LHFPL5: variants seen among roughly 807,000 people sequenced by gnomAD.
LHFPL5 encodes LHFPL tetraspan subfamily member 5 protein.
LHFPL5 carries 12 observed loss-of-function variants against 18.7 expected under a neutral mutation model. That is an observed-to-expected ratio of 0.64 (90% CI 0.41 to 1.04). LHFPL5 has a LOEUF of 1.04. Ranked by LOEUF, LHFPL5 falls within the 50% of genes least tolerant of loss-of-function variation. The probability of loss-of-function intolerance (pLI) is 0.00; values close to 1 mark genes in which losing one functional copy is unlikely to be tolerated. For missense variants in LHFPL5, 259 were observed against 292.1 expected (o/e 0.89, Z 0.83); for synonymous variants, 111 against 120.2 (o/e 0.92, Z 0.50).
rs1561951168 is a variant in LHFPL5, at chr6:35,806,824, GTTGT to G, written c.412+753_412+756del. ...TATTTAGGGTCCTTTTGTTGTTGTTGTTGTTTGTTTGTTTTTTGAGACAGAGTCT... is the reference window on the plus strand; with the variant it reads ...TATTTAGGGTCCTTTTGTTGTTGTTGTTGTTTGTTTTTTGAGACAGAGTCT... On this transcript the variant is annotated intron_variant, in intron 1 of 3. Transcript: ENST00000360215. Among the ~76,000 whole-genome samples the G allele has an allele frequency of 2.6e-5, 4 of 152,128 alleles. No individual in the cohort carries two copies. In the East Asian group the frequency reaches 5.8e-4, roughly 22 times the overall value.
At chr6:35,817,083 G>A (rs550008959) in intron 2 of LHFPL5, among the ~76,000 whole-genome samples, 1 of 152,292 alleles carries the variant, frequency 6.6e-6, no homozygotes, top group South Asian at 2.1e-4. Context: ...CCAGCACTTT[G>A]GGAGGCCGAG....
rs1768925782 is a variant in LHFPL5 at position 35,823,905 on chromosome 6, G to A, written c.*940G>A. 6.6e-6 allele frequency: 1 copy of A among 151,986 alleles called. No homozygotes were observed. The highest frequency in any genetic ancestry group is 1.5e-5 in the Non-Finnish European group (1 of 68,002). 9.4% of individuals were successfully genotyped at this position (151,986 alleles called of 1,614,324 possible). The stretch of plus-strand genomic sequence containing the variant: ...GGATTTGGCATATAGTCATCTATAG[G>A]GGGATTGGTTCCAGGATCCCCTGCA... On this transcript the variant is annotated 3_prime_UTR_variant, in exon 4 of 4. Transcript: ENST00000360215.
At chr6:35,819,528 A>T in intron 3 of LHFPL5, 65 bp downstream of exon 3, 1 of 1,463,254 alleles carries the variant, frequency 6.8e-7, no homozygotes, top group Admixed American at 1.8e-5. Context: ...CTGCTTCCTT[A>T]CTGAATCCTC....
chr6:35,813,405 C>T (rs552872461), intron 1 of LHFPL5, among the ~76,000 whole-genome samples: 12 of 151,704 alleles, frequency 7.9e-5, no homozygotes, highest in African/African-American at 1.5e-4. Flanking sequence ...CCATCATGCC[C>T]GGCTAATTTT....
At chr6:35,819,637 A>G (rs759311308) in intron 3 of LHFPL5, 174 bp downstream of exon 3, 4 of 672,050 alleles carry the variant, frequency 6.0e-6, no homozygotes, top group Non-Finnish European at 8.1e-6. Context: ...GGCCTCTGAG[A>G]CCCTCACTGG....
intron 2 of LHFPL5, among the ~76,000 whole-genome samples, chr6:35,818,320 CATATATATATAT>C (rs112710434): frequency 2.5e-5 from 3 of 120,240 alleles, no homozygotes; most frequent in African/African-American, 9.7e-5. Context: ...TACTAAAAGC[CATATATATATAT>C]ATATATATAT....
rs1300252694 is a variant in LHFPL5, at chr6:35,814,842, G to T, written c.649+60G>T. ...TGGAGACCCTGGGATGTGGGTGGGG[G>T]TTCATCTTAGCCAGTCCTCTAAGGC... On this transcript the variant is annotated intron_variant, in intron 2 of 3. Transcript: ENST00000360215. This position sits in a 1 kb window ranked among gnomAD's most constrained non-coding sequence, Gnocchi z 4.2. 10 of 1,462,944 alleles carry T rather than the reference G, an allele frequency of 6.8e-6. No individual in the cohort carries two copies. The South Asian group carries it at 9.1e-5, about 13-fold the overall frequency. 90.6% of individuals were successfully genotyped at this position (1,462,944 alleles called of 1,614,324 possible).
intron 2 of LHFPL5, among the ~76,000 whole-genome samples, chr6:35,818,994 G>GTCC (rs1768819304): frequency 6.6e-6 from 1 of 152,078 alleles, no homozygotes; most frequent in Non-Finnish European, 1.5e-5. Flanking sequence ...ACCACACCTG[G>GTCC]CTAATTTTTT....
At chr6:35,818,864 C>T (rs554589202) in intron 2 of LHFPL5, among the ~76,000 whole-genome samples, 1 of 151,690 alleles carries the variant, frequency 6.6e-6, no homozygotes, top group Non-Finnish European at 1.5e-5. Context: ...AGTCTTGCCC[C>T]GTCATCACCC....
At chr6:35,806,115 C>T (rs201196990) in intron 1 of LHFPL5, 33 bp downstream of exon 1, 61 of 1,607,028 alleles carry the variant, frequency 3.8e-5, no homozygotes, top group Non-Finnish European at 4.6e-5. Flanking sequence ...CAGGCAGGGG[C>T]CCACCCCGGG....
rs774401637 is a variant in LHFPL5 at position 35,823,475 on chromosome 6, A to ACTCTGTCT, written c.*511_*512insTCTGTCTC. ...CACACACACACACACACACACACAC[A>ACTCTGTCT]CACTCTCTCTCTCTCTCAAACACAC... On this transcript the variant is annotated 3_prime_UTR_variant, in exon 4 of 4. Coordinates refer to ENST00000360215, the MANE Select transcript of LHFPL5 (RefSeq NM_182548.4). 1 of 141,578 alleles carries ACTCTGTCT rather than the reference A, an allele frequency of 7.1e-6. No homozygotes were observed. The highest frequency in any genetic ancestry group is 1.5e-5 in the Non-Finnish European group (1 of 65,316). The allele number at this position is 141,578 out of a possible 1,614,324, so 8.8% of individuals were successfully genotyped here.
intron 2 of LHFPL5, among the ~76,000 whole-genome samples, chr6:35,815,863 C>T (rs1768750067): frequency 6.6e-6 from 1 of 152,154 alleles, no homozygotes; most frequent in Non-Finnish European, 1.5e-5. Flanking sequence ...AGGATAACCA[C>T]CTGTTATGTG....
At position 35,819,476 on chromosome 6, in the gene LHFPL5, A is replaced by G. The variant is rs781682770; in HGVS notation, c.*16+13A>G. 1.9e-6 allele frequency: 3 copies of G among 1,613,184 alleles called. No homozygotes were observed. The highest frequency in any genetic ancestry group is 1.6e-4 in the Middle Eastern group (1 of 6,062). ...AGCTGAAGGGTCGGTGAGTAATTCT[A>G]TGGGAGGGTGGTCTGCGTGCCCTTA... is the stretch of plus-strand genomic sequence containing the variant. On this transcript the variant is annotated intron_variant, in intron 3 of 3. Coordinates refer to ENST00000360215, the MANE Select transcript of LHFPL5 (RefSeq NM_182548.4).
At chr6:35,808,480 T>C (rs2151069379) in intron 1 of LHFPL5, among the ~76,000 whole-genome samples, 1 of 145,472 alleles carries the variant, frequency 6.9e-6, no homozygotes, top group East Asian at 2.0e-4. Context: ...AAACTGTGTC[T>C]CTACAAAAAA....
At chr6:35,806,139 C>G (rs1054969369) in intron 1 of LHFPL5, 57 bp downstream of exon 1, 2 of 1,580,632 alleles carry the variant, frequency 1.3e-6, no homozygotes, top group East Asian at 2.3e-5. Flanking sequence ...ACAGCTGCAG[C>G]TGCACCATCC....
In LHFPL5 at chr6:35,823,877, T is replaced by G. The variant is rs1411387184; in HGVS notation, c.*912T>G. On this transcript the variant is annotated 3_prime_UTR_variant, in exon 4 of 4. Transcript: ENST00000360215. ...GATGACATTTTTTTTTTTCAAAAAC[T>G]TTGGATTTGGCATATAGTCATCTAT... The G allele has an allele frequency of 6.6e-6, 1 of 152,058 alleles. No homozygotes were observed. Among genetic ancestry groups the G allele is most frequent in the East Asian group, 1.9e-4 (1 of 5,196 alleles). The allele number at this position is 152,058 out of a possible 1,614,324, so 9.4% of individuals were successfully genotyped here.
chr6:35,822,390 A>G (rs1175713904), intron 3 of LHFPL5, among the ~76,000 whole-genome samples: 1 of 152,220 alleles, frequency 6.6e-6, no homozygotes, highest in Non-Finnish European at 1.5e-5. Context: ...AATCAGTACT[A>G]TCTTACACAT....
At chr6:35,818,334 TA>T (rs1561955487) in intron 2 of LHFPL5, among the ~76,000 whole-genome samples, 10 of 6,520 alleles carry the variant, frequency 1.5e-3, no homozygotes, top group Non-Finnish European at 2.4e-3. Flanking sequence ...TATATATATA[TA>T]TATATATATA....
intron 2 of LHFPL5, 117 bp from the exon 3 acceptor site, chr6:35,819,320 C>A: frequency 1.0e-6 from 1 of 959,410 alleles, no homozygotes; most frequent in South Asian, 1.3e-5. Flanking sequence ...CAAAAAAGTG[C>A]AAGCTTTCTT....
Sources: allele counts gnomAD v4.1 joint callset (sites outside exome capture counted in the v4.1 genomes callset), GRCh38; gene constraint gnomAD v4.1.1; non-coding constraint Gnocchi (gnomAD v3.1); transcripts MANE v1.5; gene names NCBI Gene and HGNC (gene_info 2026-07-23, HGNC 2026-07-21).